The following CUBN variants were observed in gnomAD, a reference collection of about 807,000 sequenced individuals.
CUBN encodes the protein cubilin, also known as 460 kDa receptor.
A neutral mutation model predicts 405.3 loss-of-function variants in CUBN; 282 were observed. That is an observed-to-expected ratio of 0.70 (90% confidence interval 0.63 to 0.77). CUBN has a LOEUF of 0.77. Among genes scored for constraint, CUBN ranks in the 30% least tolerant of loss-of-function variants. CUBN has a pLI of 0.00. For synonymous variants in CUBN, 1,684 were observed against 1,617.0 expected (o/e 1.04, Z -0.99); for missense variants, 4,514 against 4,475.2 (o/e 1.01, Z -0.25).
At chr10:16,957,287 A>G (rs10904854) in intron 31 of CUBN, among the ~76,000 whole-genome samples, 61,754 of 152,058 alleles carry the variant, frequency 0.41, 13,984 homozygotes, top group African/African-American at 0.6. Context: ...ACATCATGCA[A>G]TATTTATCTT....
chr10:16,972,443 A>AC (rs1554803059), intron 31 of CUBN, among the ~76,000 whole-genome samples: 12 of 146,390 alleles, frequency 8.2e-5, no homozygotes, highest in African/African-American at 2.8e-4. Flanking sequence ...ATCATTCACA[A>AC]TTTTTTTTTT....
chr10:17,100,888 G>A lies in CUBN; in HGVS notation c.1531-649C>T, dbSNP rs1836479385. On this transcript the variant is annotated intron_variant, in intron 13 of 66. Transcript: ENST00000377833. ...GAATACTGAGCATACAAGAATAACAGGAAAAATACTGAGCATACAAGTAGA... is the reference window on the plus strand; with the variant it reads ...GAATACTGAGCATACAAGAATAACAAGAAAAATACTGAGCATACAAGTAGA... Among the ~76,000 whole-genome samples the A allele has an allele frequency of 3.3e-5, 5 of 152,042 alleles. No homozygotes were observed. The South Asian group carries it at 1.0e-3, about 31-fold the overall frequency.
rs879308596 is a variant in CUBN at position 17,087,466 on chromosome 10, C to CTTTTTTTTTTTTT, written c.1947+697_1947+698insAAAAAAAAAAAAA. ...GTTCAACACAATCACTATTATTTTTCTTTTTCTTTTTTTTTTTTTTTTTTT... is the reference window on the plus strand; with the variant it reads ...GTTCAACACAATCACTATTATTTTTCTTTTTTTTTTTTTTTTTTCTTTTTTTTTTTTTTTTTTT... On this transcript the variant is annotated intron_variant, in intron 15 of 66. Transcript: ENST00000377833. Among the ~76,000 whole-genome samples the CTTTTTTTTTTTTT allele has an allele frequency of 6.0e-4, 48 of 79,766 alleles. 7 individuals are homozygous for CTTTTTTTTTTTTT. The highest frequency in any genetic ancestry group is 7.8e-4 in the Non-Finnish European group (34 of 43,616). The allele number at this position is 79,766 out of a possible 152,430, so 52.3% of individuals were successfully genotyped here.
chr10:17,057,708 C>T (rs1450839388), intron 22 of CUBN, among the ~76,000 whole-genome samples: 6 of 151,936 alleles, frequency 3.9e-5, no homozygotes, highest in South Asian at 4.2e-4. Flanking sequence ...AACTATCTAA[C>T]AACAGGTGAA....
chr10:17,011,315 G>T (rs761272399), intron 28 of CUBN, among the ~76,000 whole-genome samples: 1 of 152,164 alleles, frequency 6.6e-6, no homozygotes, highest in African/African-American at 2.4e-5. Flanking sequence ...CAGATGTTCA[G>T]ATGTGTCCGC....
At chr10:17,032,169 A>G (rs1342314862) in intron 27 of CUBN, among the ~76,000 whole-genome samples, 1 of 152,180 alleles carries the variant, frequency 6.6e-6, no homozygotes, top group Non-Finnish European at 1.5e-5. Context: ...GTGAGAAACC[A>G]TTTCCTGAAG....
chr10:16,927,587 C>A (rs1842228294), intron 41 of CUBN, among the ~76,000 whole-genome samples: 1 of 152,118 alleles, frequency 6.6e-6, no homozygotes, highest in South Asian at 2.1e-4. Context: ...TACTTTATCA[C>A]CTTTCAGTTA....
At chr10:17,014,702 A>C (rs926652667) in intron 28 of CUBN, among the ~76,000 whole-genome samples, 2 of 152,212 alleles carry the variant, frequency 1.3e-5, no homozygotes, top group African/African-American at 4.8e-5. Flanking sequence ...TGAGGCTTCC[A>C]AACAGGTAGC....
intron 14 of CUBN, among the ~76,000 whole-genome samples, chr10:17,095,995 T>C (rs1352442770): frequency 1.3e-5 from 2 of 152,016 alleles, no homozygotes; most frequent in Non-Finnish European, 2.9e-5. Context: ...ACAACATGGA[T>C]GAAACAGGGA....
chr10:16,830,632 T>C (rs1838960104), intron 65 of CUBN, among the ~76,000 whole-genome samples: 1 of 152,170 alleles, frequency 6.6e-6, no homozygotes, highest in African/African-American at 2.4e-5. Flanking sequence ...TTGGTAAAAA[T>C]TTTTCTTTAA....
intron 22 of CUBN, among the ~76,000 whole-genome samples, chr10:17,059,078 G>A (rs1006504362): frequency 4.0e-5 from 6 of 150,986 alleles, no homozygotes; most frequent in African/African-American, 1.5e-4. Context: ...AAAGACAACT[G>A]TTGGCAAAAC....
In CUBN at chr10:16,918,773, C is replaced by T. The variant is rs373804380; in HGVS notation, c.6849G>A (p.Arg2283=). 2.2e-5 allele frequency: 35 copies of T among 1,613,670 alleles called. No homozygotes were observed. The highest frequency in any genetic ancestry group is 2.8e-5 in the Non-Finnish European group (33 of 1,179,830). The part of the protein sequence containing the change: ...PNCTSNYLEL[R]DGVDSDAPIL... ...TTGGTGCATCCGAATCCACTCCATCCCGCAACTCAAGGTAGTTGGAAGTAC... is the reference window on the plus strand; with the variant it reads ...TTGGTGCATCCGAATCCACTCCATCTCGCAACTCAAGGTAGTTGGAAGTAC... The change falls in exon 45 of 67, where the codon CGG becomes CGA. Residue 2283 remains arginine (R), a synonymous_variant. Transcript: ENST00000377833.
chr10:16,882,045 C>G (rs1448086818), intron 56 of CUBN, among the ~76,000 whole-genome samples: 3 of 152,164 alleles, frequency 2.0e-5, no homozygotes, highest in Non-Finnish European at 2.9e-5. Flanking sequence ...ATACACAACA[C>G]TCTCATAATT....
At chr10:17,045,897 T>C in intron 24 of CUBN, 37 bp downstream of exon 24, 1 of 1,608,320 alleles carries the variant, frequency 6.2e-7, no homozygotes, top group East Asian at 2.2e-5. Context: ...CCAATCAGAT[T>C]GGCTTCTCCA....
chr10:16,859,115 G>A (rs940907732), intron 59 of CUBN, among the ~76,000 whole-genome samples: 4 of 152,176 alleles, frequency 2.6e-5, no homozygotes, highest in South Asian at 2.1e-4. Context: ...AGAAAAAGTC[G>A]ATAAATTGAA....
intron 59 of CUBN, among the ~76,000 whole-genome samples, chr10:16,867,402 T>C (rs1840219051): frequency 6.6e-6 from 1 of 152,136 alleles, no homozygotes; most frequent in Admixed American, 6.6e-5. Flanking sequence ...CTACAAACAA[T>C]AAAAACCAAA....
chr10:17,075,494 A>G (rs1835839318), intron 17 of CUBN, among the ~76,000 whole-genome samples: 1 of 152,158 alleles, frequency 6.6e-6, no homozygotes, highest in African/African-American at 2.4e-5. Context: ...TAAACTGACA[A>G]TATGTATTAA....
chr10:17,035,638 T>C (rs1385318191), intron 27 of CUBN, among the ~76,000 whole-genome samples: 2 of 152,214 alleles, frequency 1.3e-5, no homozygotes, highest in Non-Finnish European at 2.9e-5. Flanking sequence ...TCATGGTTAA[T>C]GTTTTCAACG....
chr10:16,856,822 C>G (rs1839883097), intron 59 of CUBN, among the ~76,000 whole-genome samples: 1 of 152,154 alleles, frequency 6.6e-6, no homozygotes, highest in Non-Finnish European at 1.5e-5. Context: ...TGGCTTTAGG[C>G]TGCAGCTGAA....
Sources: gnomAD v4.1 joint callset for allele counts (sites outside exome capture counted in the v4.1 genomes callset) on GRCh38, gnomAD v4.1.1 for gene constraint, MANE v1.5 for transcripts, NCBI Gene and HGNC (gene_info 2026-07-23, HGNC 2026-07-21) for gene names.